GAREM2: variants seen among roughly 807,000 people sequenced by gnomAD.
GAREM2 encodes GRB2 associated regulator of MAPK1 subtype 2.
A neutral mutation model predicts 55.6 loss-of-function variants in GAREM2; 30 were observed. That is an observed-to-expected ratio of 0.54 (90% CI 0.40 to 0.73). The LOEUF (loss-of-function observed/expected upper bound fraction) is 0.73. GAREM2 is among the 30% of genes least tolerant of loss of function. The pLI is 0.00. For synonymous variants in GAREM2, 550 were observed against 569.1 expected (o/e 0.97, Z 0.48); for missense variants, 1,075 against 1,257.7 (o/e 0.85, Z 2.20).
downstream of GAREM2, chr2:26,191,383 A>G: frequency 6.2e-7 from 1 of 1,614,180 alleles, no homozygotes; most frequent in Non-Finnish European, 8.5e-7. Context: ...CAGATCCACA[A>G]AGCGGAAAGG....
intron 2 of GAREM2, among the ~76,000 whole-genome samples, chr2:26,178,229 T>G (rs1397328469): frequency 6.6e-6 from 1 of 152,230 alleles, no homozygotes; most frequent in African/African-American, 2.4e-5. Context: ...GCTAGAAATT[T>G]CCAAGCTTGG....
chr2:26,189,970 T>G (rs1669441172), downstream of GAREM2, among the ~76,000 whole-genome samples: 1 of 152,262 alleles, frequency 6.6e-6, no homozygotes, highest in Non-Finnish European at 1.5e-5. Context: ...GGGCCCAAGC[T>G]TAGCTTCCTG....
intron 4 of GAREM2, among the ~76,000 whole-genome samples, chr2:26,185,595 T>C (rs1669225343): frequency 6.6e-6 from 1 of 152,102 alleles, no homozygotes; most frequent in South Asian, 2.1e-4. Context: ...GAAAAGAAGG[T>C]TCCTTGGCGA....
chr2:26,203,370 C>T, the GAREM2 span, among the ~76,000 whole-genome samples: 2 of 152,228 alleles, frequency 1.3e-5, no homozygotes, highest in African/African-American at 4.8e-5. Context: ...ATCAAACCAA[C>T]CCTCCATTTG....
rs1396968931 is a variant in GAREM2, at chr2:26,184,367, C to T, written c.519C>T (p.Thr173=). ...KTTKERSRFT[T]LLRKLGRAGA... is the part of the protein sequence containing the mutation. ...CCAAGGAGCGCTCGCGCTTCACCACCCTCCTGCGAAAGCTGGGCCGGGCCG... is the reference window on the plus strand; with the variant it reads ...CCAAGGAGCGCTCGCGCTTCACCACTCTCCTGCGAAAGCTGGGCCGGGCCG... Residue 173 remains threonine, a synonymous_variant, in exon 4 of 6, where the codon ACC becomes ACT. Coordinates refer to ENST00000401533, the MANE Select transcript of GAREM2 (RefSeq NM_001168241.2). 4 of 1,544,656 alleles carry T rather than the reference C, an allele frequency of 2.6e-6. No individual in the cohort carries two copies. Among genetic ancestry groups the T allele is most frequent in the East Asian group, 2.5e-5 (1 of 40,236 alleles).
rs1043474264 is a variant in GAREM2 at position 26,189,659 on chromosome 2, T to C, written c.*1402T>C. Reference sequence around the variant, plus strand: ...CTAGACTGCTGAAGATGAGTACAAGTGGCATTCTGGGTGCCAGCTGCTTTC... The same window carrying C: ...CTAGACTGCTGAAGATGAGTACAAGCGGCATTCTGGGTGCCAGCTGCTTTC... On this transcript the variant is annotated 3_prime_UTR_variant, in exon 6 of 6. Transcript: ENST00000401533. 2 of 139,510 alleles carry C rather than the reference T, an allele frequency of 1.4e-5. No homozygotes were observed. Among genetic ancestry groups the C allele is most frequent in the African/African-American group, 5.6e-5 (2 of 35,962 alleles). The allele number at this position is 139,510 out of a possible 1,614,324, so 8.6% of individuals were successfully genotyped here. A position where few individuals can be genotyped will look rare whatever the true frequency, so the allele number is the denominator to read the frequency against.
In GAREM2 at chr2:26,187,723, C is replaced by A. The variant is rs147704507; in HGVS notation, c.2091C>A (p.Val697=). Residue 697 remains valine (V), a synonymous_variant, in exon 6 of 6, where the codon GTC becomes GTA. Coordinates refer to ENST00000401533, the MANE Select transcript of GAREM2 (RefSeq NM_001168241.2). ...SSSSSEWQEP[V]LEPFDPFELG... is the part of the protein sequence containing the mutation. ...CTTCTTCTGAATGGCAGGAACCAGT[C>A]CTGGAGCCCTTCGATCCCTTTGAGC... is the stretch of plus-strand genomic sequence containing the variant. The A allele has an allele frequency of 8.9e-4, 1,308 of 1,470,856 alleles. 2 individuals carry two copies. The highest frequency in any genetic ancestry group is 2.0e-3 in the Middle Eastern group (11 of 5,628). 91.1% of individuals were successfully genotyped at this position (1,470,856 alleles called of 1,614,324 possible). A position where few individuals can be genotyped will look rare whatever the true frequency, so the allele number is the denominator to read the frequency against.
At chr2:26,201,961 ATTTTTTT>A in the GAREM2 span, among the ~76,000 whole-genome samples, 163 of 137,200 alleles carry the variant, frequency 1.2e-3, 4 homozygotes, top group Non-Finnish European at 3.1e-4. Context: ...CGCCTGGCTA[ATTTTTTT>A]TTTTTTTTTT....
In GAREM2 at chr2:26,173,313, G is replaced by A. The variant is rs1426490237; in HGVS notation, c.93G>A (p.Thr31=). 19 of 1,420,340 alleles carry A rather than the reference G, an allele frequency of 1.3e-5. No individual in the cohort carries two copies. The East Asian group carries it at 3.3e-4, about 25-fold the overall frequency. The allele number at this position is 1,420,340 out of a possible 1,614,324, so 88.0% of individuals were successfully genotyped here. The change falls in exon 1 of 6, where the codon ACG becomes ACA. Residue 31 remains threonine (T), a synonymous_variant. Coordinates refer to ENST00000401533, the MANE Select transcript of GAREM2 (RefSeq NM_001168241.2). The part of the protein sequence containing the change: ...DLIVSRCRLP[T]LACLGPGEYA... Reference sequence around the variant, plus strand: ...TCGTCAGCCGCTGCCGCCTGCCCACGCTCGCCTGCCTTGGGCCAGGTACCG... The same window carrying A: ...TCGTCAGCCGCTGCCGCCTGCCCACACTCGCCTGCCTTGGGCCAGGTACCG...
chr2:26,187,290 A>T lies in GAREM2; in HGVS notation c.1658A>T (p.Tyr553Phe). 1 of 1,485,204 alleles carries T rather than the reference A, an allele frequency of 6.7e-7. No individual in the cohort carries two copies. Among genetic ancestry groups the T allele is most frequent in the Non-Finnish European group, 9.0e-7 (1 of 1,114,300 alleles). 92.0% of individuals were successfully genotyped at this position (1,485,204 alleles called of 1,614,324 possible). Residue 553 changes from tyrosine to phenylalanine, a missense_variant, in exon 6 of 6, where the codon TAC (tyrosine) becomes TTC (phenylalanine). Coordinates refer to ENST00000401533, the MANE Select transcript of GAREM2 (RefSeq NM_001168241.2). ...PSPDTYSLYC[Y>F]PCTWGDCKVG... is the part of the protein sequence containing the mutation. ...CCGGACACCTACTCCCTCTATTGCT[A>T]CCCATGCACCTGGGGAGACTGCAAG...
chr2:26,196,020 G>C, the GAREM2 span, among the ~76,000 whole-genome samples: 1 of 152,296 alleles, frequency 6.6e-6, no homozygotes, highest in African/African-American at 2.4e-5. Flanking sequence ...TCTCACTTTA[G>C]CTATAAGGTA....
In GAREM2 at chr2:26,186,273, C is replaced by G. The variant is rs1313938649; in HGVS notation, c.1513C>G (p.Pro505Ala). 5 of 1,550,780 alleles carry G rather than the reference C, an allele frequency of 3.2e-6. No homozygotes were observed. The change falls in exon 5 of 6, where the codon CCG becomes GCG. Residue 505 changes from proline (P) to alanine (A), a missense_variant. By Grantham distance (27) the Pro-to-Ala change is conservative. Coordinates refer to ENST00000401533, the MANE Select transcript of GAREM2 (RefSeq NM_001168241.2). Reference protein sequence around the residue: ...NGSGRLSSSPPVPPRFPKLQP... With the variant: ...NGSGRLSSSPAVPPRFPKLQP... ...CAGCGGCCGGCTCTCCAGCAGCCCC[C>G]CGGTTCCCCCTCGCTTCCCCAAGCT...
In GAREM2 at chr2:26,179,771, C is replaced by G. The variant is rs915339241; in HGVS notation, c.254-3196C>G. The stretch of plus-strand genomic sequence containing the variant: ...GTAATGACCGGCGCTGGGCTTCAGG[C>G]TGCCGCGGAGGGGGATGGTGCTGGA... On this transcript the variant is annotated intron_variant, in intron 2 of 5. Coordinates refer to ENST00000401533, the MANE Select transcript of GAREM2 (RefSeq NM_001168241.2). This position sits in a 1 kb window ranked among gnomAD's most constrained non-coding sequence, Gnocchi z 4.7. Among the ~76,000 whole-genome samples, 4 of 152,148 alleles carry G rather than the reference C, an allele frequency of 2.6e-5. No individual in the cohort carries two copies. Among genetic ancestry groups the G allele is most frequent in the African/African-American group, 9.7e-5 (4 of 41,422 alleles).
rs76319342 is a variant in GAREM2, at chr2:26,182,537, C to A, written c.254-430C>A. 2.6e-6 allele frequency: 4 copies of A among 1,512,810 alleles called. No individual in the cohort carries two copies. The African/African-American group carries it at 5.5e-5, about 21-fold the overall frequency. 93.7% of individuals were successfully genotyped at this position (1,512,810 alleles called of 1,614,324 possible). A position where few individuals can be genotyped will look rare whatever the true frequency, so the allele number is the denominator to read the frequency against. On this transcript the variant is annotated intron_variant, in intron 2 of 5. Transcript: ENST00000401533. ...TGTCCCTACCCCCTCAGATGAGGAC[C>A]CAGAGGCCCAGAGAGGGAAAGGAAC...
intron 4 of GAREM2, 49 bp downstream of exon 4, chr2:26,185,325 A>G (rs529587790): frequency 1.4e-6 from 2 of 1,455,830 alleles, no homozygotes; most frequent in Non-Finnish European, 1.8e-6. Flanking sequence ...CAGGGCCCAA[A>G]GCCCGTTCTC....
intron 5 of GAREM2, among the ~76,000 whole-genome samples, chr2:26,186,897 C>T (rs1488053440): frequency 1.3e-5 from 2 of 152,224 alleles, no homozygotes; most frequent in Admixed American, 1.3e-4. Flanking sequence ...ATCGCTTGAA[C>T]CCGGGAGGTG....
the GAREM2 span, among the ~76,000 whole-genome samples, chr2:26,200,629 G>A: frequency 6.6e-6 from 1 of 152,174 alleles, no homozygotes; most frequent in African/African-American, 2.4e-5. Flanking sequence ...ACATGAATAA[G>A]GTGAACGCAC....
the GAREM2 span, chr2:26,195,189 A>G: frequency 3.1e-6 from 5 of 1,612,384 alleles, 1 homozygote; most frequent in South Asian, 5.5e-5. Flanking sequence ...AATCTCCAGC[A>G]GCTGCATCTT....
rs569858299 is a variant in GAREM2 at position 26,176,640 on chromosome 2, C to G, written c.253+156C>G. Among the ~76,000 whole-genome samples the G allele has an allele frequency of 1.7e-3, 266 of 152,294 alleles. 2 individuals carry two copies. Among genetic ancestry groups the G allele is most frequent in the Middle Eastern group, 6.8e-3 (2 of 294 alleles). On this transcript the variant is annotated intron_variant, in intron 2 of 5. Coordinates refer to ENST00000401533, the MANE Select transcript of GAREM2 (RefSeq NM_001168241.2). Reference sequence around the variant, plus strand: ...GCAGTTTTCATTCTGTTCTGTGGCACTCTGGGTTTCTGGAGAGGTGGCTCA... The same window carrying G: ...GCAGTTTTCATTCTGTTCTGTGGCAGTCTGGGTTTCTGGAGAGGTGGCTCA...
Sources: allele counts gnomAD v4.1 joint callset (sites outside exome capture counted in the v4.1 genomes callset), GRCh38; gene constraint gnomAD v4.1.1; non-coding constraint Gnocchi (gnomAD v3.1); transcripts MANE v1.5; gene names NCBI Gene and HGNC (gene_info 2026-07-23, HGNC 2026-07-21).